The following APBA2 variants were observed in gnomAD, a reference collection of about 807,000 sequenced individuals.
APBA2 encodes the protein amyloid-beta A4 precursor protein-binding family A member 2.
APBA2 carries 30 observed loss-of-function variants against 75.0 expected under a neutral mutation model. That is an observed-to-expected ratio of 0.40 (90% CI 0.30 to 0.54). The LOEUF is 0.54. APBA2 is among the 20% of genes least tolerant of loss of function. APBA2 has a pLI of 0.49. For synonymous variants in APBA2, 444 were observed against 409.6 expected (o/e 1.08, Z -1.01); for missense variants, 801 against 1,016.1 (o/e 0.79, Z 2.88).
intron 6 of APBA2, among the ~76,000 whole-genome samples, chr15:29,088,365 C>T (rs148014797): frequency 9.1e-4 from 139 of 152,236 alleles, no homozygotes; most frequent in African/African-American, 2.6e-3. Context: ...CCGGGACTCC[C>T]GAGTCCAGCC....
intron 4 of APBA2, among the ~76,000 whole-genome samples, chr15:29,063,507 A>G (rs367804447): frequency 2.4e-4 from 15 of 63,440 alleles, no homozygotes; most frequent in Admixed American, 5.5e-4. Flanking sequence ...GTTGGGAGGG[A>G]AGTTGATCTG....
intron 1 of APBA2, among the ~76,000 whole-genome samples, chr15:28,904,198 C>T (rs758897239): frequency 1.3e-5 from 2 of 152,122 alleles, no homozygotes; most frequent in African/African-American, 2.4e-5. Context: ...AGACTCCACC[C>T]GCCGGGGGCC....
chr15:29,083,170 G>C (rs537454737), intron 6 of APBA2, among the ~76,000 whole-genome samples: 1 of 152,118 alleles, frequency 6.6e-6, no homozygotes, highest in African/African-American at 2.4e-5. Flanking sequence ...TTATCTTGGT[G>C]TATTTATACA....
chr15:28,909,226 G>C (rs947378501), intron 1 of APBA2, among the ~76,000 whole-genome samples: 7 of 151,866 alleles, frequency 4.6e-5, no homozygotes, highest in Non-Finnish European at 1.0e-4. Context: ...TCCTGACCTC[G>C]TGATCCGCCC....
At chr15:29,056,995 C>T (rs114246210) in intron 4 of APBA2, among the ~76,000 whole-genome samples, 5 of 152,088 alleles carry the variant, frequency 3.3e-5, no homozygotes, top group Admixed American at 6.5e-5. Context: ...TCCCCTTCCT[C>T]CCCTGGGGGA....
At chr15:28,950,412 G>T (rs1413182384) in intron 2 of APBA2, among the ~76,000 whole-genome samples, 2 of 151,998 alleles carry the variant, frequency 1.3e-5, no homozygotes, top group Non-Finnish European at 2.9e-5. Flanking sequence ...TGGATCATGA[G>T]GTCAGGAGAT....
At chr15:29,109,089 A>G (rs1436925219) in intron 13 of APBA2, among the ~76,000 whole-genome samples, 1 of 152,204 alleles carries the variant, frequency 6.6e-6, no homozygotes, top group Non-Finnish European at 1.5e-5. Context: ...GGCTGGCAAT[A>G]CCCAAATTGT....
chr15:29,095,991 C>T (rs1013169565), intron 8 of APBA2, among the ~76,000 whole-genome samples: 1 of 152,224 alleles, frequency 6.6e-6, no homozygotes, highest in South Asian at 2.1e-4. Context: ...CCTACAGAGT[C>T]GCTGCCGCCT....
chr15:28,937,461 G>T (rs2034943138), intron 2 of APBA2, among the ~76,000 whole-genome samples: 1 of 152,094 alleles, frequency 6.6e-6, no homozygotes, highest in South Asian at 2.1e-4. Flanking sequence ...GTCAGGTGGA[G>T]CCTCGCTGCT....
At chr15:29,008,854 C>T (rs1283841413) in intron 3 of APBA2, among the ~76,000 whole-genome samples, 1 of 152,230 alleles carries the variant, frequency 6.6e-6, no homozygotes, top group African/African-American at 2.4e-5. Context: ...TCCATTCCCT[C>T]ACCTCTCCTG....
intron 1 of APBA2, among the ~76,000 whole-genome samples, chr15:28,887,670 GCA>G (rs955671668): frequency 6.1e-4 from 93 of 152,298 alleles, no homozygotes; most frequent in African/African-American, 2.2e-3. Context: ...GATCTGCCAG[GCA>G]GGAGGGCCAG....
intron 2 of APBA2, among the ~76,000 whole-genome samples, chr15:28,948,188 G>C (rs1359716835): frequency 1.3e-5 from 2 of 152,202 alleles, no homozygotes; most frequent in Non-Finnish European, 2.9e-5. Flanking sequence ...TGTAGAGAAG[G>C]AATCAGAGGC....
At chr15:28,970,429 C>A (rs1160189058) in intron 2 of APBA2, 1 of 149,512 alleles carries the variant, frequency 6.7e-6, no homozygotes, top group African/African-American at 2.5e-5. Context: ...GTCATCTCAG[C>A]CCTTTGGGAG....
intron 10 of APBA2, among the ~76,000 whole-genome samples, chr15:29,104,524 G>A (rs2044300224): frequency 6.6e-6 from 1 of 152,242 alleles, no homozygotes. Context: ...TGTCAGAGTC[G>A]GTGATGTCCA....
chr15:29,092,560 T>C (rs2043629260), intron 6 of APBA2, among the ~76,000 whole-genome samples: 2 of 151,850 alleles, frequency 1.3e-5, no homozygotes, highest in Non-Finnish European at 2.9e-5. Context: ...GGAACAAGCA[T>C]GATGTTGCCA....
intron 6 of APBA2, among the ~76,000 whole-genome samples, chr15:29,078,610 CA>C (rs1181567320): frequency 1.2e-3 from 105 of 85,044 alleles, no homozygotes; most frequent in South Asian, 2.6e-3. Context: ...GACTCCATCT[CA>C]AAAAAAAAAA....
At chr15:29,078,382 G>T (rs1262410128) in intron 6 of APBA2, among the ~76,000 whole-genome samples, 3 of 152,152 alleles carry the variant, frequency 2.0e-5, no homozygotes, top group Non-Finnish European at 4.4e-5. Flanking sequence ...GGAGGCCAAG[G>T]TGGGTGGATC....
intron 2 of APBA2, among the ~76,000 whole-genome samples, chr15:28,976,422 C>G (rs2037341426): frequency 6.6e-6 from 1 of 152,204 alleles, no homozygotes; most frequent in African/African-American, 2.4e-5. Context: ...TCTTGTAGGG[C>G]CATCTCTAAT....
intron 1 of APBA2, among the ~76,000 whole-genome samples, chr15:28,901,878 A>G (rs1423314128): frequency 8.7e-6 from 1 of 115,042 alleles, no homozygotes; most frequent in African/African-American, 3.2e-5. Context: ...AGCATCGGGA[A>G]GCCTGGACCC....
Sources: gnomAD v4.1 joint callset for allele counts (sites outside exome capture counted in the v4.1 genomes callset) on GRCh38, gnomAD v4.1.1 for gene constraint, MANE v1.5 for transcripts, NCBI Gene and HGNC (gene_info 2026-07-23, HGNC 2026-07-21) for gene names.